CCNDBP1: variants seen among roughly 807,000 people sequenced by gnomAD.
CCNDBP1 encodes the protein cyclin D1 binding protein 1.
Under a neutral mutation model 46.2 loss-of-function variants are expected in CCNDBP1, and 45 were observed. The ratio of observed to expected loss-of-function variants is 0.97; its 90% CI spans 0.77 to 1.25. The LOEUF (loss-of-function observed/expected upper bound fraction) is 1.25. Among genes scored for constraint, CCNDBP1 ranks in the 50% most tolerant of loss-of-function variants. CCNDBP1 has a pLI of 0.00. For missense variants in CCNDBP1, 436 were observed against 442.1 expected (o/e 0.99, Z 0.12); for synonymous variants, 154 against 163.6 (o/e 0.94, Z 0.45).
At position 43,197,076 on chromosome 15, in the gene CCNDBP1, C is replaced by T. The variant is rs1596398528; in HGVS notation, c.*2235C>T. 1 of 581,402 alleles carries T rather than the reference C, an allele frequency of 1.7e-6. No homozygotes were observed. The highest frequency in any genetic ancestry group is 3.2e-5 in the East Asian group (1 of 30,788). The allele number at this position is 581,402 out of a possible 1,614,324, so 36.0% of individuals were successfully genotyped here. A position where few individuals can be genotyped will look rare whatever the true frequency, so the allele number is the denominator to read the frequency against. On this transcript the variant is annotated 3_prime_UTR_variant, in exon 11 of 11. Transcript: ENST00000300213. The stretch of plus-strand genomic sequence containing the variant: ...CCTGTGATCTCTGCTCACGTTGCCT[C>T]CCTTCATCTTCCTGCATAAGTGGAA...
intron 3 of CCNDBP1, among the ~76,000 whole-genome samples, chr15:43,188,126 A>T (rs1287067593): frequency 6.6e-6 from 1 of 152,182 alleles, no homozygotes; most frequent in African/African-American, 2.4e-5. Context: ...GTCACTGCTT[A>T]TCTCATCCCT....
rs764374326 is a variant in CCNDBP1 at position 43,185,469 on chromosome 15, T to C, written c.-30T>C. On this transcript the variant is annotated 5_prime_UTR_variant, in exon 1 of 11. Transcript: ENST00000300213. Reference sequence around the variant, plus strand: ...GGCTCCGGCAGTGGCAGCGGAGGCCTGTGTTTGCGGCCTTCGGCAAGCGAC... The same window carrying C: ...GGCTCCGGCAGTGGCAGCGGAGGCCCGTGTTTGCGGCCTTCGGCAAGCGAC... The C allele has an allele frequency of 1.3e-6, 2 of 1,522,132 alleles. No individual in the cohort carries two copies. Among genetic ancestry groups the C allele is most frequent in the Admixed American group, 1.9e-5 (1 of 52,508 alleles). 94.3% of individuals were successfully genotyped at this position (1,522,132 alleles called of 1,614,324 possible). A position where few individuals can be genotyped will look rare whatever the true frequency, so the allele number is the denominator to read the frequency against.
At chr15:43,193,554 G>T (rs1420210839) in intron 9 of CCNDBP1, among the ~76,000 whole-genome samples, 2 of 152,032 alleles carry the variant, frequency 1.3e-5, no homozygotes, top group African/African-American at 4.8e-5. Flanking sequence ...AACATACTCT[G>T]TTCTAATACA....
At chr15:43,185,759 C>T (rs2041809796) in intron 1 of CCNDBP1, 61 bp from the exon 2 acceptor site, 1 of 1,556,364 alleles carries the variant, frequency 6.4e-7, no homozygotes, top group South Asian at 1.2e-5. Context: ...AGGGAGGTGG[C>T]TCCGCTTACC....
In CCNDBP1 at chr15:43,185,538, C is replaced by T; in HGVS notation, c.40C>T (p.Leu14=). The T allele has an allele frequency of 1.3e-6, 2 of 1,596,410 alleles. No homozygotes were observed. ...TGCACCTGCAGCCGCAGTCCCCACC[C>T]TGGCTTCGCCTTTGGAGCAGCTCCG... ...ATAPAAAVPT[L]ASPLEQLRHL... Residue 14 remains leucine, a synonymous_variant, in exon 1 of 11, where the codon CTG becomes TTG. Coordinates refer to ENST00000300213, the MANE Select transcript of CCNDBP1 (RefSeq NM_012142.5).
chr15:43,188,103 C>A (rs1402565226), intron 3 of CCNDBP1, among the ~76,000 whole-genome samples: 1 of 152,024 alleles, frequency 6.6e-6, no homozygotes, highest in East Asian at 1.9e-4. Flanking sequence ...ATAAAAGTTT[C>A]TAAACACTCT....
chr15:43,189,077 C>CAAAAAAAAAAAAAAAAA (rs763476042), intron 3 of CCNDBP1, 122 bp from the exon 4 acceptor site: 7 of 152,188 alleles, frequency 4.6e-5, no homozygotes, highest in South Asian at 1.9e-4. Context: ...GACTCTGTCT[C>CAAAAAAAAAAAAAAAAA]AAAAAAAAAA....
Position 43,190,911 on chromosome 15 carries a change from A to G in CCNDBP1, c.503-55A>G. ...AATGTGATTGTTCCTTGCAGTCATA[A>G]GAAAATTGTTGGATTTCTCCTCTAA... On this transcript the variant is annotated intron_variant, in intron 6 of 10. Coordinates refer to ENST00000300213, the MANE Select transcript of CCNDBP1 (RefSeq NM_012142.5). The G allele has an allele frequency of 2.2e-6, 3 of 1,384,362 alleles. No homozygotes were observed. The East Asian group carries it at 6.9e-5, about 32-fold the overall frequency. The allele number at this position is 1,384,362 out of a possible 1,614,324, so 85.8% of individuals were successfully genotyped here.
At position 43,196,612 on chromosome 15, in the gene CCNDBP1, C is replaced by G. The variant is rs1455354129; in HGVS notation, c.*1771C>G. 2.6e-5 allele frequency: 4 copies of G among 152,208 alleles called. No individual in the cohort carries two copies. The highest frequency in any genetic ancestry group is 9.7e-5 in the African/African-American group (4 of 41,254). The allele number at this position is 152,208 out of a possible 1,614,324, so 9.4% of individuals were successfully genotyped here. ...TTGATCAATGTAATTTTAAGATTAC[C>G]TAAAAATTCCATTTTGGGATAATAT... On this transcript the variant is annotated 3_prime_UTR_variant, in exon 11 of 11. Transcript: ENST00000300213.
intron 3 of CCNDBP1, among the ~76,000 whole-genome samples, chr15:43,188,096 A>G (rs2041882364): frequency 6.6e-6 from 1 of 152,154 alleles, no homozygotes; most frequent in Non-Finnish European, 1.5e-5. Context: ...AATTGCCATA[A>G]AAGTTTCTAA....
Position 43,194,648 on chromosome 15 carries a change from C to T in CCNDBP1, c.969-79C>T, listed in dbSNP as rs924751856. On this transcript the variant is annotated intron_variant, in intron 10 of 10. Coordinates refer to ENST00000300213, the MANE Select transcript of CCNDBP1 (RefSeq NM_012142.5). ...TCCCTTTAAAAAAATTTTAGTTTTC[C>T]CTGTGCTCCCTCCTGAGGATAGGTT... 10 of 1,201,106 alleles carry T rather than the reference C, an allele frequency of 8.3e-6. No individual in the cohort carries two copies. The Admixed American group carries it at 1.9e-4, about 22-fold the overall frequency. 74.4% of individuals were successfully genotyped at this position (1,201,106 alleles called of 1,614,324 possible).
chr15:43,194,678 C>T, intron 10 of CCNDBP1, 49 bp from the exon 11 acceptor site: 3 of 1,410,424 alleles, frequency 2.1e-6, no homozygotes, highest in Non-Finnish European at 3.0e-6. Flanking sequence ...TAGGTTTTCC[C>T]TTGACATCCT....
At chr15:43,193,652 TAGAG>T (rs1318419555) in intron 9 of CCNDBP1, among the ~76,000 whole-genome samples, 1 of 152,238 alleles carries the variant, frequency 6.6e-6, no homozygotes, top group Admixed American at 6.5e-5. Context: ...TGCCCTTTAC[TAGAG>T]AGAGTTCTGT....
intron 8 of CCNDBP1, among the ~76,000 whole-genome samples, chr15:43,191,930 G>T (rs2041959128): frequency 6.6e-6 from 1 of 152,092 alleles, no homozygotes; most frequent in Non-Finnish European, 1.5e-5. Context: ...AGAGTAAATT[G>T]CAGACAGCAA....
intron 3 of CCNDBP1, among the ~76,000 whole-genome samples, chr15:43,188,071 G>A (rs1449412898): frequency 6.6e-6 from 1 of 151,952 alleles, no homozygotes; most frequent in East Asian, 1.9e-4. Context: ...GTGCTCGGAT[G>A]TTGAATAAAT....
At chr15:43,191,827 TC>T (rs2041958082) in intron 8 of CCNDBP1, 152 bp downstream of exon 8, 1 of 778,090 alleles carries the variant, frequency 1.3e-6, no homozygotes, top group African/African-American at 1.7e-5. Flanking sequence ...CACCCCTATA[TC>T]CTTCTATTAG....
Position 43,189,243 on chromosome 15 carries a change from AT to A in CCNDBP1, c.297del (p.Phe99LeufsTer16). Reference sequence around the variant, plus strand: ...AACAAGTCCATGCTGCCATCAAGGCATTTATTGCAGTGTACTATTTGCTTCC... The same window carrying A: ...AACAAGTCCATGCTGCCATCAAGGCATTATTGCAGTGTACTATTTGCTTCC... ...CEQVHAAIKA[F>X]IAVYYLLPKD... On this transcript the variant is annotated frameshift_variant, in exon 4 of 11. Coordinates refer to ENST00000300213, the MANE Select transcript of CCNDBP1 (RefSeq NM_012142.5). LOFTEE classifies it high-confidence loss of function. The A allele has an allele frequency of 6.2e-7, 1 of 1,612,434 alleles. No homozygotes were observed. The highest frequency in any genetic ancestry group is 1.3e-5 in the African/African-American group (1 of 74,986).
chr15:43,188,345 G>A (rs1258728751), intron 3 of CCNDBP1: 1 of 152,100 alleles, frequency 6.6e-6, no homozygotes, highest in Admixed American at 6.6e-5. Flanking sequence ...AGAGAGACCT[G>A]GTTAATGGTT....
intron 5 of CCNDBP1, 61 bp from the exon 6 acceptor site, chr15:43,190,264 A>C (rs2041927105): frequency 1.3e-6 from 2 of 1,597,044 alleles, no homozygotes; most frequent in Admixed American, 1.7e-5. Context: ...CAGCAGGAAG[A>C]AGCTTTTTAG....
Sources: allele counts gnomAD v4.1 joint callset (sites outside exome capture counted in the v4.1 genomes callset), GRCh38; gene constraint gnomAD v4.1.1; transcripts MANE v1.5; gene names NCBI Gene and HGNC (gene_info 2026-07-23, HGNC 2026-07-21).